RBFOX3: variants seen among roughly 807,000 people sequenced by gnomAD.
RBFOX3 encodes the protein RNA binding protein fox-1 homolog 3.
In RBFOX3, 17 loss-of-function variants were observed where a neutral mutation model predicts 48.7. That is an observed-to-expected ratio of 0.35 (90% CI 0.24 to 0.52). The LOEUF is 0.52. RBFOX3 is among the 20% of genes least tolerant of loss of function. The pLI is 0.94. For missense variants in RBFOX3, 382 were observed against 497.5 expected, an observed-to-expected ratio of 0.77 and a Z score of 2.21; for synonymous variants, 212 against 209.5, an observed-to-expected ratio of 1.01 and a Z score of -0.10.
the RBFOX3 span, among the ~76,000 whole-genome samples, chr17:79,656,668 G>GAAATGAAGAGAA: frequency 1.1e-5 from 1 of 90,882 alleles, no homozygotes; most frequent in African/African-American, 5.7e-5. Flanking sequence ...AGAGAAGAAA[G>GAAATGAAGAGAA]GAAAGAAGGA....
chr17:79,552,916 G>A (rs936596607), intron 1 of RBFOX3, among the ~76,000 whole-genome samples: 7 of 152,088 alleles, frequency 4.6e-5, no homozygotes, highest in Non-Finnish European at 1.0e-4. Flanking sequence ...GGATTCTCTA[G>A]GATTTTCCAA....
At chr17:79,629,579 G>A in the RBFOX3 span, among the ~76,000 whole-genome samples, 1 of 152,178 alleles carries the variant, frequency 6.6e-6, no homozygotes, top group Non-Finnish European at 1.5e-5. Flanking sequence ...AGGGCAGATT[G>A]GCACTCGGAT....
chr17:79,157,497 G>A (rs942863308), intron 4 of RBFOX3, among the ~76,000 whole-genome samples: 4 of 152,328 alleles, frequency 2.6e-5, no homozygotes, highest in East Asian at 1.9e-4. Context: ...AGCCCACAGC[G>A]AGAACTGGCC....
At chr17:79,355,949 A>G (rs1473352505) in intron 2 of RBFOX3, among the ~76,000 whole-genome samples, 1 of 152,222 alleles carries the variant, frequency 6.6e-6, no homozygotes, top group African/African-American at 2.4e-5. Context: ...AATGTTTGAC[A>G]TCCTTATGTA....
At chr17:79,338,787 C>T (rs1206666469) in intron 2 of RBFOX3, among the ~76,000 whole-genome samples, 2 of 152,208 alleles carry the variant, frequency 1.3e-5, no homozygotes, top group Non-Finnish European at 2.9e-5. Context: ...GGATGCCTTT[C>T]TGATGACTGT....
intron 5 of RBFOX3, among the ~76,000 whole-genome samples, chr17:79,109,102 C>T (rs754316353): frequency 1.3e-5 from 2 of 152,336 alleles, no homozygotes; most frequent in Non-Finnish European, 2.9e-5. Flanking sequence ...CTGAGCTGTA[C>T]GTGTTCCCAA....
chr17:79,306,495 TG>T (rs1369644345), intron 3 of RBFOX3, among the ~76,000 whole-genome samples: 1 of 152,218 alleles, frequency 6.6e-6, no homozygotes, highest in African/African-American at 2.4e-5. Flanking sequence ...GCTTTGTTCC[TG>T]GGGCTCCCTT....
intron 4 of RBFOX3, among the ~76,000 whole-genome samples, chr17:79,130,785 G>A (rs535415804): frequency 3.6e-4 from 55 of 152,358 alleles, no homozygotes; most frequent in African/African-American, 1.2e-3. Flanking sequence ...CCTTCAGCCC[G>A]GGCTTGGTGC....
At chr17:79,344,295 T>C (rs764780072) in intron 2 of RBFOX3, among the ~76,000 whole-genome samples, 2 of 152,174 alleles carry the variant, frequency 1.3e-5, no homozygotes, top group Non-Finnish European at 2.9e-5. Context: ...ACTGGCTAAT[T>C]TGAGTTGGCA....
At chr17:79,413,536 T>G (rs1036157313) in intron 2 of RBFOX3, among the ~76,000 whole-genome samples, 1 of 152,248 alleles carries the variant, frequency 6.6e-6, no homozygotes, top group Non-Finnish European at 1.5e-5. Flanking sequence ...CCGTGAGCTC[T>G]TCTCTTCCCG....
intron 2 of RBFOX3, among the ~76,000 whole-genome samples, chr17:79,476,582 C>G (rs963432769): frequency 6.6e-6 from 1 of 152,234 alleles, no homozygotes. Flanking sequence ...AGGATTCCAG[C>G]CACATGTTTC....
chr17:79,641,241 C>T, the RBFOX3 span, among the ~76,000 whole-genome samples: 2 of 152,000 alleles, frequency 1.3e-5, no homozygotes, highest in African/African-American at 2.4e-5. Context: ...AAAGCAAAAC[C>T]ACAGTTAGAT....
intron 9 of RBFOX3, 76 bp from the exon 10 acceptor site, chr17:79,097,821 C>A: frequency 6.9e-7 from 1 of 1,457,938 alleles, no homozygotes; most frequent in Non-Finnish European, 9.4e-7. Context: ...CTGGGAACCC[C>A]AGCGACACCG....
chr17:79,142,002 G>A (rs147110763), intron 4 of RBFOX3, among the ~76,000 whole-genome samples: 1 of 152,324 alleles, frequency 6.6e-6, no homozygotes, highest in East Asian at 1.9e-4. Flanking sequence ...GGCCCAGGAC[G>A]GGATCCTTGC....
At chr17:79,105,152 G>A (rs1241421910) in intron 6 of RBFOX3, among the ~76,000 whole-genome samples, 27 of 152,240 alleles carry the variant, frequency 1.8e-4, no homozygotes, top group Admixed American at 1.8e-3. Flanking sequence ...CAGTCCTGGA[G>A]GCGGGGGGTG....
intron 4 of RBFOX3, among the ~76,000 whole-genome samples, chr17:79,215,277 G>T (rs925383353): frequency 6.6e-6 from 1 of 152,216 alleles, no homozygotes; most frequent in Non-Finnish European, 1.5e-5. Context: ...AGGCTGTAGG[G>T]GCAGGGAGGT....
At chr17:79,380,752 T>C (rs1900123789) in intron 2 of RBFOX3, among the ~76,000 whole-genome samples, 1 of 151,650 alleles carries the variant, frequency 6.6e-6, no homozygotes, top group African/African-American at 2.4e-5. Context: ...GAGCCTGGGT[T>C]CTACCTGCGT....
At chr17:79,437,538 G>T (rs567847942) in intron 2 of RBFOX3, among the ~76,000 whole-genome samples, 2 of 152,204 alleles carry the variant, frequency 1.3e-5, no homozygotes, top group African/African-American at 4.8e-5. Context: ...CGGGACACCC[G>T]GTAGGAGCTG....
chr17:79,278,189 G>C (rs1253832761), intron 3 of RBFOX3, among the ~76,000 whole-genome samples: 2 of 152,102 alleles, frequency 1.3e-5, no homozygotes, highest in Non-Finnish European at 2.9e-5. Flanking sequence ...TCCTGGGAGA[G>C]GCAGCACCAG....
Sources: allele counts gnomAD v4.1 joint callset (sites outside exome capture counted in the v4.1 genomes callset), GRCh38; gene constraint gnomAD v4.1.1; transcripts MANE v1.5; gene names NCBI Gene and HGNC (gene_info 2026-07-23, HGNC 2026-07-21).